PLA2G5: variants seen among roughly 807,000 people sequenced by gnomAD.
The protein encoded by PLA2G5 is Ca2+-dependent phospholipase A2.
Under a neutral mutation model 15.9 loss-of-function variants are expected in PLA2G5, and 12 were observed. That is an observed-to-expected ratio of 0.76 (90% CI 0.48 to 1.23). The LOEUF (loss-of-function observed/expected upper bound fraction) is 1.23, where lower values mean the gene tolerates loss of function less well. PLA2G5 is among the 50% of genes most tolerant of loss of function. The pLI, the probability that PLA2G5 is intolerant of heterozygous loss-of-function variation, is 0.00. For synonymous variants in PLA2G5, 71 were observed against 71.4 expected (o/e 0.99, Z 0.03); for missense variants, 169 against 177.1 (o/e 0.95, Z 0.26).
At chr1:20,055,920 A>G (rs1040679190) in intron 1 of PLA2G5, among the ~76,000 whole-genome samples, 1 of 152,176 alleles carries the variant, frequency 6.6e-6, no homozygotes, top group Non-Finnish European at 1.5e-5. Flanking sequence ...GGATCAGAGA[A>G]GGTTCTCTAG....
chr1:20,058,134 T>G (rs574535378), intron 1 of PLA2G5, among the ~76,000 whole-genome samples: 5 of 152,342 alleles, frequency 3.3e-5, no homozygotes, highest in South Asian at 4.1e-4. Context: ...TAAATGTCAT[T>G]TAGATCCAGC....
At chr1:20,088,577 A>G (rs1000049487) in intron 3 of PLA2G5, among the ~76,000 whole-genome samples, 1 of 152,036 alleles carries the variant, frequency 6.6e-6, no homozygotes, top group African/African-American at 2.4e-5. Context: ...TCATACTAAT[A>G]TAAGATATTA....
At chr1:20,029,823 T>C (rs1255650724) in intron 1 of PLA2G5, among the ~76,000 whole-genome samples, 5 of 152,212 alleles carry the variant, frequency 3.3e-5, no homozygotes, top group Non-Finnish European at 7.3e-5. Context: ...AAAATGTTAA[T>C]GTCTGGAGAT....
At chr1:20,038,289 C>T (rs1315115814) in intron 1 of PLA2G5, among the ~76,000 whole-genome samples, 2 of 152,170 alleles carry the variant, frequency 1.3e-5, no homozygotes, top group Non-Finnish European at 2.9e-5. Flanking sequence ...CAAAAAAAAT[C>T]TGCCCAGGAA....
intron 1 of PLA2G5, among the ~76,000 whole-genome samples, chr1:20,078,060 G>C (rs554676837): frequency 1.3e-5 from 2 of 152,290 alleles, no homozygotes; most frequent in South Asian, 4.2e-4. Flanking sequence ...GCAGAGATGG[G>C]ATGGGGGGAT....
intron 1 of PLA2G5, among the ~76,000 whole-genome samples, chr1:20,055,546 G>A (rs1040648102): frequency 3.9e-5 from 6 of 152,148 alleles, no homozygotes; most frequent in Admixed American, 6.5e-5. Context: ...GGACCATAGA[G>A]CTGGTAGCTG....
In PLA2G5 at chr1:20,080,046, C is replaced by T. The variant is rs570983462; in HGVS notation, c.-10-4775C>T. Among the ~76,000 whole-genome samples, 14 of 152,228 alleles carry T rather than the reference C, an allele frequency of 9.2e-5. No homozygotes were observed. The South Asian group carries it at 2.1e-3, about 23-fold the overall frequency. On this transcript the variant is annotated intron_variant, in intron 1 of 4. Coordinates refer to ENST00000375108, the MANE Select transcript of PLA2G5 (RefSeq NM_000929.3). ...GAGGACGGGGACAAAGCTGCAAGTC[C>T]GGGAGCGGGGCTGCCTGTCTTCTCT...
chr1:20,044,375 G>GGC (rs1553171707), intron 1 of PLA2G5, among the ~76,000 whole-genome samples: 3 of 151,800 alleles, frequency 2.0e-5, no homozygotes, highest in Non-Finnish European at 4.4e-5. Context: ...GTTGTGGGGG[G>GGC]GGTTTGAGGT....
At chr1:20,047,817 C>G (rs577372663) in intron 1 of PLA2G5, among the ~76,000 whole-genome samples, 16 of 151,830 alleles carry the variant, frequency 1.1e-4, no homozygotes, top group African/African-American at 3.9e-4. Flanking sequence ...ATTGGCAATT[C>G]AATCCATTTT....
In PLA2G5 at chr1:20,061,878, C is replaced by G. The variant is rs550676909; in HGVS notation, n.337+2186C>G. Among the ~76,000 whole-genome samples the G allele has an allele frequency of 2.5e-4, 38 of 152,336 alleles. No individual in the cohort carries two copies. In the South Asian group the frequency reaches 4.8e-3, roughly 19 times the overall value. On this transcript the variant is annotated intron_variant and non_coding_transcript_variant, in intron 2 of 6. Coordinates refer to the PLA2G5 transcript ENST00000460175. The stretch of plus-strand genomic sequence containing the variant: ...TCTAAGGATAGAGGCTAACACAGTT[C>G]GGATGTTTGTCCCCACCCAGATCTC...
chr1:20,085,871 T>C (rs571512489), intron 2 of PLA2G5, among the ~76,000 whole-genome samples: 63 of 152,326 alleles, frequency 4.1e-4, no homozygotes, highest in African/African-American at 1.5e-3. Flanking sequence ...AGCCAGGATT[T>C]GAACCCAGGT....
At chr1:20,040,790 A>G (rs1319660963) in intron 1 of PLA2G5, among the ~76,000 whole-genome samples, 1 of 152,214 alleles carries the variant, frequency 6.6e-6, no homozygotes, top group Non-Finnish European at 1.5e-5. Context: ...ATTCAGAGTC[A>G]CCCATCTGCT....
chr1:20,033,707 T>G (rs2013093639), intron 1 of PLA2G5, among the ~76,000 whole-genome samples: 1 of 152,066 alleles, frequency 6.6e-6, no homozygotes, highest in Non-Finnish European at 1.5e-5. Context: ...TTGGTTAGAA[T>G]GTACATACAG....
At chr1:20,044,725 G>A (rs1296934363) in intron 1 of PLA2G5, among the ~76,000 whole-genome samples, 2 of 152,232 alleles carry the variant, frequency 1.3e-5, no homozygotes, top group African/African-American at 4.8e-5. Flanking sequence ...GAGGAGGGGA[G>A]GTGATAGAAG....
chr1:20,035,494 A>G (rs936155389), intron 1 of PLA2G5, among the ~76,000 whole-genome samples: 2 of 152,088 alleles, frequency 1.3e-5, no homozygotes, highest in South Asian at 2.1e-4. Context: ...GCATCTTACA[A>G]AATGGTGCAG....
At chr1:20,085,641 T>C (rs1175435425) in intron 2 of PLA2G5, among the ~76,000 whole-genome samples, 1 of 152,176 alleles carries the variant, frequency 6.6e-6, no homozygotes, top group South Asian at 2.1e-4. Flanking sequence ...GACAGGAAGC[T>C]CCTATCTGCC....
intron 1 of PLA2G5, among the ~76,000 whole-genome samples, chr1:20,047,749 T>TGC (rs1422978791): frequency 3.3e-5 from 5 of 150,794 alleles, no homozygotes; most frequent in African/African-American, 1.2e-4. Context: ...TGTGTGTGTG[T>TGC]GTGTGTGTAT....
At chr1:20,029,093 C>T (rs1244041544) in intron 1 of PLA2G5, among the ~76,000 whole-genome samples, 2 of 152,138 alleles carry the variant, frequency 1.3e-5, no homozygotes, top group Non-Finnish European at 2.9e-5. Flanking sequence ...CTTTCTGTAT[C>T]CTGTGATCCT....
chr1:20,089,314 G>A (rs932531098), intron 3 of PLA2G5, among the ~76,000 whole-genome samples: 1 of 152,174 alleles, frequency 6.6e-6, no homozygotes, highest in African/African-American at 2.4e-5. Flanking sequence ...GTTTATTTCT[G>A]GATCACATAA....
Sources: allele counts gnomAD v4.1 joint callset (sites outside exome capture counted in the v4.1 genomes callset), GRCh38; gene constraint gnomAD v4.1.1; transcripts MANE v1.5; gene names NCBI Gene and HGNC (gene_info 2026-07-23, HGNC 2026-07-21).